The following MON2 variants were observed in gnomAD, a reference collection of about 807,000 sequenced individuals.
The protein encoded by MON2 is MON2 regulator of endosome-to-Golgi trafficking.
A neutral mutation model predicts 208.6 loss-of-function variants in MON2; 84 were observed. That is an observed-to-expected ratio of 0.40 (90% CI 0.34 to 0.48). The LOEUF is 0.48. Ranked by LOEUF, MON2 falls within the 20% of genes least tolerant of loss-of-function variation. MON2 has a pLI of 0.59. For synonymous variants in MON2, 660 were observed against 694.0 expected, an observed-to-expected ratio of 0.95 and a Z score of 0.77; for missense variants, 1,611 against 2,015.4, an observed-to-expected ratio of 0.80 and a Z score of 3.84.
At chr12:62,512,640 G>A (rs945929096) in intron 8 of MON2, among the ~76,000 whole-genome samples, 1 of 152,178 alleles carries the variant, frequency 6.6e-6, no homozygotes, top group Non-Finnish European at 1.5e-5. Context: ...GGTGCATGGT[G>A]CAAGCTGTTG....
intron 32 of MON2, among the ~76,000 whole-genome samples, chr12:62,583,365 A>G (rs2075072696): frequency 1.3e-5 from 2 of 148,622 alleles, no homozygotes; most frequent in South Asian, 2.2e-4. Context: ...GAAAGAACTC[A>G]TAGAAACTAA....
chr12:62,537,292 C>G (rs2073022607), intron 15 of MON2, 29 bp downstream of exon 15: 1 of 1,474,636 alleles, frequency 6.8e-7, no homozygotes, highest in Admixed American at 1.8e-5. Context: ...TCTTGGTTAT[C>G]AATTAGCTAT....
intron 22 of MON2, 111 bp from the exon 23 acceptor site, chr12:62,549,557 A>T: frequency 1.2e-6 from 1 of 857,528 alleles, no homozygotes; most frequent in Non-Finnish European, 1.7e-6. Context: ...GTTGAGAGTG[A>T]GGCATGATCG....
rs1314537099 is a variant in MON2 at position 62,597,709 on chromosome 12, G to T, written c.*4960G>T. 5 of 152,116 alleles carry T rather than the reference G, an allele frequency of 3.3e-5. No individual in the cohort carries two copies. The highest frequency in any genetic ancestry group is 7.4e-5 in the Non-Finnish European group (5 of 68,026). The allele number at this position is 152,116 out of a possible 1,614,324, so 9.4% of individuals were successfully genotyped here. On this transcript the variant is annotated 3_prime_UTR_variant, in exon 35 of 35. Transcript: ENST00000393630. Reference sequence around the variant, plus strand: ...TAATCATGTCTTTTCTGTTATGTGGGTAGAGAGATTATATATCTTTTCTCA... The same window carrying T: ...TAATCATGTCTTTTCTGTTATGTGGTTAGAGAGATTATATATCTTTTCTCA...
In MON2 at chr12:62,571,576, C is replaced by G; in HGVS notation, c.4508C>G (p.Thr1503Ser). The G allele has an allele frequency of 6.2e-7, 1 of 1,605,772 alleles. No individual in the cohort carries two copies. Among genetic ancestry groups the G allele is most frequent in the Non-Finnish European group, 8.5e-7 (1 of 1,176,584 alleles). The change falls in exon 30 of 35, where the codon ACT (threonine) becomes AGT (serine). Residue 1503 changes from threonine (T) to serine (S), a missense_variant. Coordinates refer to ENST00000393630, the MANE Select transcript of MON2 (RefSeq NM_015026.3). The part of the protein sequence containing the change: ...LANTFEDFLF[T>S]KSIPPDNLSI... ...AATACTTTTGAAGATTTTCTCTTTACTAAAAGGTCAGCTCATTCATTTTTA... is the reference window on the plus strand; with the variant it reads ...AATACTTTTGAAGATTTTCTCTTTAGTAAAAGGTCAGCTCATTCATTTTTA...
chr12:62,584,485 C>T lies in MON2; in HGVS notation c.4700-809C>T, dbSNP rs12313634. 1.0e-2 allele frequency among the ~76,000 whole-genome samples: 1,519 copies of T among 152,128 alleles called. 33 individuals are homozygous for T. Among genetic ancestry groups the T allele is most frequent in the African/African-American group, 0.035 (1,448 of 41,494 alleles). ...TTGGGAAGCCAAGGCTGGCGGATCACGAGGTCAGGAAATCGAGACCATCCT... is the reference window on the plus strand; with the variant it reads ...TTGGGAAGCCAAGGCTGGCGGATCATGAGGTCAGGAAATCGAGACCATCCT... On this transcript the variant is annotated intron_variant, in intron 32 of 34. Coordinates refer to ENST00000393630, the MANE Select transcript of MON2 (RefSeq NM_015026.3).
At chr12:62,506,697 G>A (rs2071117844) in intron 7 of MON2, among the ~76,000 whole-genome samples, 1 of 149,702 alleles carries the variant, frequency 6.7e-6, no homozygotes, top group African/African-American at 2.5e-5. Flanking sequence ...TTGCACTCCA[G>A]CCTGGGTAAC....
intron 34 of MON2, among the ~76,000 whole-genome samples, chr12:62,588,687 AT>A (rs2075298219): frequency 6.6e-6 from 1 of 152,158 alleles, no homozygotes; most frequent in Non-Finnish European, 1.5e-5. Context: ...AAGCAAAAAA[AT>A]ATTTTTCATT....
In MON2 at chr12:62,588,149, TGAG is replaced by T. The variant is rs1176446521; in HGVS notation, c.4984_4986del (p.Glu1662del). On this transcript the variant is annotated inframe_deletion, in exon 34 of 35. Transcript: ENST00000393630. ...TTGATTCACTTAAGAAAACTCAGCC[TGAG>T]AATGGTAAGTGCTTAGAAACAGTTA... 2 of 1,566,310 alleles carry T rather than the reference TGAG, an allele frequency of 1.3e-6. No homozygotes were observed. Among genetic ancestry groups the T allele is most frequent in the South Asian group, 2.3e-5 (2 of 88,242 alleles).
chr12:62,565,452 T>C, intron 27 of MON2, 72 bp downstream of exon 27: 1 of 1,294,398 alleles, frequency 7.7e-7, no homozygotes. Flanking sequence ...CCACTTAAGA[T>C]GGACTTTGAT....
intron 8 of MON2, among the ~76,000 whole-genome samples, chr12:62,513,454 G>A (rs1294253444): frequency 3.3e-5 from 5 of 151,910 alleles, no homozygotes; most frequent in African/African-American, 4.8e-5. Flanking sequence ...TTGAACTCCT[G>A]ACCTCAAGCA....
At chr12:62,493,011 A>T (rs929033196) in intron 2 of MON2, among the ~76,000 whole-genome samples, 6 of 150,632 alleles carry the variant, frequency 4.0e-5, no homozygotes, top group African/African-American at 1.5e-4. Flanking sequence ...AAAAAGACAC[A>T]CACAGACACA....
Position 62,571,247 on chromosome 12 carries a change from G to T in MON2, c.4324-145G>T, listed in dbSNP as rs188296940. 10 of 627,148 alleles carry T rather than the reference G, an allele frequency of 1.6e-5. No homozygotes were observed. In the Admixed American group the frequency reaches 2.6e-4, roughly 16 times the overall value. 38.8% of individuals were successfully genotyped at this position (627,148 alleles called of 1,614,324 possible). A position where few individuals can be genotyped will look rare whatever the true frequency, so the allele number is the denominator to read the frequency against. On this transcript the variant is annotated intron_variant, in intron 29 of 34. Coordinates refer to ENST00000393630, the MANE Select transcript of MON2 (RefSeq NM_015026.3). The stretch of plus-strand genomic sequence containing the variant: ...TACGTCTGAGAATTGGCCTTTCTGC[G>T]AAATAACATCCTTTTTAAATGAAAA...
chr12:62,473,234 A>G (rs184088954), intron 1 of MON2, among the ~76,000 whole-genome samples: 4 of 152,348 alleles, frequency 2.6e-5, no homozygotes, highest in Non-Finnish European at 4.4e-5. Flanking sequence ...CTAATGCAAC[A>G]TGCCATATTA....
chr12:62,543,751 G>C (rs1388223237), intron 20 of MON2, among the ~76,000 whole-genome samples: 2 of 152,078 alleles, frequency 1.3e-5, no homozygotes, highest in Non-Finnish European at 2.9e-5. Flanking sequence ...GGGATTACAG[G>C]CGCATACCAC....
intron 30 of MON2, among the ~76,000 whole-genome samples, chr12:62,573,223 A>G (rs866824726): frequency 6.6e-6 from 1 of 152,190 alleles, no homozygotes; most frequent in Non-Finnish European, 1.5e-5. Context: ...TTATGTTTTC[A>G]TCTTTAAAAT....
chr12:62,517,087 C>T (rs912133042), intron 8 of MON2, among the ~76,000 whole-genome samples: 1 of 152,110 alleles, frequency 6.6e-6, no homozygotes, highest in Non-Finnish European at 1.5e-5. Flanking sequence ...AGTTTTTGTT[C>T]CTGTCACTAG....
rs1398937329 is a variant in MON2, at chr12:62,597,272, A to G, written c.*4523A>G. The G allele has an allele frequency of 6.6e-6, 1 of 151,576 alleles. No homozygotes were observed. The highest frequency in any genetic ancestry group is 1.5e-5 in the Non-Finnish European group (1 of 67,892). The allele number at this position is 151,576 out of a possible 1,614,324, so 9.4% of individuals were successfully genotyped here. On this transcript the variant is annotated 3_prime_UTR_variant, in exon 35 of 35. Coordinates refer to ENST00000393630, the MANE Select transcript of MON2 (RefSeq NM_015026.3). ...TGTTAAATTTTATGTTTACGTTACC[A>G]TCTTTCTTATACTTTCCCCTGATTT...
At chr12:62,563,812 T>C (rs944355572) in intron 26 of MON2, among the ~76,000 whole-genome samples, 1 of 152,142 alleles carries the variant, frequency 6.6e-6, no homozygotes, top group African/African-American at 2.4e-5. Context: ...ATACTTAGTT[T>C]TCTCAGGTAC....
Sources: allele counts gnomAD v4.1 joint callset (sites outside exome capture counted in the v4.1 genomes callset), GRCh38; gene constraint gnomAD v4.1.1; transcripts MANE v1.5; gene names NCBI Gene and HGNC (gene_info 2026-07-23, HGNC 2026-07-21).